The following TPP1 variants were observed in gnomAD, a reference collection of about 807,000 sequenced individuals.
TPP1 encodes tripeptidyl-peptidase 1.
A neutral mutation model predicts 67.6 loss-of-function variants in TPP1; 43 were observed. The observed-to-expected ratio is 0.64, with a 90% CI of 0.50 to 0.82. The LOEUF is 0.82. TPP1 is among the 40% of genes least tolerant of loss of function. The pLI is 0.00. For missense variants in TPP1, 671 were observed against 710.9 expected, an observed-to-expected ratio of 0.94 and a Z score of 0.64; for synonymous variants, 272 against 281.5, an observed-to-expected ratio of 0.97 and a Z score of 0.34.
rs769244572 is a variant in TPP1, at chr11:6,616,106, A to T, written c.1076-32T>A. On this transcript the variant is annotated intron_variant, in intron 8 of 12. Coordinates refer to ENST00000299427, the MANE Select transcript of TPP1 (RefSeq NM_000391.4). ...GAGACCAAGTGTAGCATTCATATTA[A>T]TTGGTTAGGGCTTAGTATGTGGGTT... 5 of 1,613,492 alleles carry T rather than the reference A, an allele frequency of 3.1e-6. No individual in the cohort carries two copies. In the Admixed American group the frequency reaches 8.3e-5, roughly 27 times the overall value.
At chr11:6,615,707 G>C (rs1204876207) in intron 9 of TPP1, 145 bp from the exon 10 acceptor site, 1 of 1,112,612 alleles carries the variant, frequency 9.0e-7, no homozygotes, top group Admixed American at 2.0e-5. Flanking sequence ...AAGAGATTTT[G>C]AGCCTTCAAG....
rs769230068 is a variant in TPP1 at position 6,619,029 on chromosome 11, T to C, written c.90-114A>G. The C allele has an allele frequency of 3.9e-5, 59 of 1,524,702 alleles. No homozygotes were observed. In the Admixed American group the frequency reaches 5.3e-4, roughly 14 times the overall value. The allele number at this position is 1,524,702 out of a possible 1,614,324, so 94.4% of individuals were successfully genotyped here. A position where few individuals can be genotyped will look rare whatever the true frequency, so the allele number is the denominator to read the frequency against. Reference sequence around the variant, plus strand: ...CCTTGGGGAGGATCCTAGGAGCAGATACAGATCACATGAGGTGAATGATAG... The same window carrying C: ...CCTTGGGGAGGATCCTAGGAGCAGACACAGATCACATGAGGTGAATGATAG... On this transcript the variant is annotated intron_variant, in intron 2 of 12. Transcript: ENST00000299427.
chr11:6,614,860 A>T lies in TPP1; in HGVS notation c.1551+6T>A. ...AAACGTCCACACCCTTCCCTTCCAT[A>T]CTTACATCAAAGAGTCCTGCCCCAT... On this transcript the variant is annotated splice_donor_region_variant and intron_variant, in intron 12 of 12. Transcript: ENST00000299427. 1.9e-6 allele frequency: 3 copies of T among 1,613,818 alleles called. No homozygotes were observed. The highest frequency in any genetic ancestry group is 2.5e-6 in the Non-Finnish European group (3 of 1,179,958).
rs119455956 is a variant in TPP1, at chr11:6,615,256, C to T, written c.1340G>A (p.Arg447His). ...AAGTGCAGCCACATCTGGGTAGGCA[C>T]GGCCACTGGCATTGAAGTAACTGGA... ...PPSSYFNASG[R>H]AYPDVAALSD... The change falls in exon 11 of 13, where the codon CGT becomes CAT. Residue 447 changes from arginine to histidine, a missense_variant. By Grantham distance (29) the Arg-to-His change is conservative (BLOSUM62 0). Coordinates refer to ENST00000299427, the MANE Select transcript of TPP1 (RefSeq NM_000391.4). 1.7e-5 allele frequency: 27 copies of T among 1,614,048 alleles called. No homozygotes were observed. Among genetic ancestry groups the T allele is most frequent in the Non-Finnish European group, 1.9e-5 (22 of 1,180,042 alleles).
intron 6 of TPP1, 53 bp downstream of exon 6, chr11:6,616,922 T>G: frequency 1.2e-6 from 2 of 1,613,950 alleles, no homozygotes; most frequent in Non-Finnish European, 1.7e-6. Context: ...GGTAAGGAAT[T>G]GAGGACACTG....
chr11:6,617,274 A>T (rs776135436), intron 5 of TPP1, 27 bp downstream of exon 5: 1 of 1,613,624 alleles, frequency 6.2e-7, no homozygotes, highest in Non-Finnish European at 8.5e-7. Flanking sequence ...TGTGTGCCCC[A>T]ACCCCCATTC....
rs1251029614 is a variant in TPP1 at position 6,615,295 on chromosome 11, G to A, written c.1301C>T (p.Pro434Leu). The A allele has an allele frequency of 6.2e-7, 1 of 1,614,152 alleles. No homozygotes were observed. The highest frequency in any genetic ancestry group is 1.1e-5 in the South Asian group (1 of 91,080). The change falls in exon 11 of 13, where the codon CCC becomes CTC. Residue 434 changes from proline (P) to leucine (L), a missense_variant. By Grantham distance (98) the Pro-to-Leu change is moderately conservative (BLOSUM62 -3). Transcript: ENST00000299427. ...GAAGTAACTGGATGGTGGCAGGTGG[G>A]GGCTAGAGCTCAGGAACTTCGTTAC... The part of the protein sequence containing the change: ...EAVTKFLSSS[P>L]HLPPSSYFNA...
At position 6,614,258 on chromosome 11, in the gene TPP1, A is replaced by G; in HGVS notation, c.*288T>C. ...GAGTCTGTATACAACCCTTTGGAAA[A>G]GCCTGATTGAAAAGAGAAAGATGAG... On this transcript the variant is annotated 3_prime_UTR_variant, in exon 13 of 13. Transcript: ENST00000299427. 2.0e-6 allele frequency: 1 copy of G among 497,334 alleles called. No homozygotes were observed. Among genetic ancestry groups the G allele is most frequent in the Non-Finnish European group, 3.7e-6 (1 of 271,474 alleles). The allele number at this position is 497,334 out of a possible 1,614,324, so 30.8% of individuals were successfully genotyped here. A position where few individuals can be genotyped will look rare whatever the true frequency, so the allele number is the denominator to read the frequency against.
chr11:6,617,250 T>A, intron 5 of TPP1, 51 bp downstream of exon 5: 3 of 1,613,772 alleles, frequency 1.9e-6, no homozygotes, highest in Non-Finnish European at 2.5e-6. Context: ...CTAAACTTCC[T>A]CAGCCCCTGG....
rs1325601216 is a variant in TPP1, at chr11:6,617,077, G to A, written c.585C>T (p.Gly195=). 1.9e-6 allele frequency: 3 copies of A among 1,614,018 alleles called. No individual in the cohort carries two copies. The highest frequency in any genetic ancestry group is 2.5e-6 in the Non-Finnish European group (3 of 1,180,012). ...CAGAGGGGGTTACCCCCAGATGCAG[G>A]CCTACAGTCCCTGTCACCTGCGGCT... ...RPEPQVTGTV[G]LHLGVTPSVI... The change falls in exon 6 of 13, where the codon GGC becomes GGT. Residue 195 remains glycine (G), a synonymous_variant. Coordinates refer to ENST00000299427, the MANE Select transcript of TPP1 (RefSeq NM_000391.4).
At position 6,614,354 on chromosome 11, in the gene TPP1, GA is replaced by G. The variant is rs1855542306; in HGVS notation, c.*191del. The G allele has an allele frequency of 1.4e-6, 1 of 697,886 alleles. No homozygotes were observed. The highest frequency in any genetic ancestry group is 2.7e-5 in the East Asian group (1 of 36,856). The allele number at this position is 697,886 out of a possible 1,614,324, so 43.2% of individuals were successfully genotyped here. A position where few individuals can be genotyped will look rare whatever the true frequency, so the allele number is the denominator to read the frequency against. ...TTGAGGAATCTAAGGCAGGAGTAGG[GA>G]GACCTGAGTATGATGGAGCATGGTA... On this transcript the variant is annotated 3_prime_UTR_variant, in exon 13 of 13. Coordinates refer to ENST00000299427, the MANE Select transcript of TPP1 (RefSeq NM_000391.4).
intron 3 of TPP1, 103 bp from the exon 4 acceptor site, chr11:6,617,879 C>A: frequency 6.5e-7 from 1 of 1,539,012 alleles, no homozygotes. Flanking sequence ...AAGCCTGGAA[C>A]AGGGTAAAGG....
Position 6,617,082 on chromosome 11 carries a change from C to T in TPP1, c.580G>A (p.Val194Ile), listed in dbSNP as rs1303710593. 1.9e-6 allele frequency: 3 copies of T among 1,614,160 alleles called. No individual in the cohort carries two copies. Among genetic ancestry groups the T allele is most frequent in the East Asian group, 4.5e-5 (2 of 44,886 alleles). Residue 194 changes from valine (V) to isoleucine (I), a missense_variant, in exon 6 of 13, where the codon GTA (valine) becomes ATA (isoleucine). Physicochemically the swap from Val to Ile is conservative, Grantham distance 29 (BLOSUM62 3). Coordinates refer to ENST00000299427, the MANE Select transcript of TPP1 (RefSeq NM_000391.4). ...QRPEPQVTGT[V>I]GLHLGVTPSV... ...GGGGTTACCCCCAGATGCAGGCCTACAGTCCCTGTCACCTGCGGCTCAGGA... is the reference window on the plus strand; with the variant it reads ...GGGGTTACCCCCAGATGCAGGCCTATAGTCCCTGTCACCTGCGGCTCAGGA...
In TPP1 at chr11:6,618,704, C is replaced by T. The variant is rs535481432; in HGVS notation, c.229+72G>A. On this transcript the variant is annotated intron_variant, in intron 3 of 12. Transcript: ENST00000299427. ...GTCTTGGCAGGCTCTGACATGATCG[C>T]CATCCCATGCCCAACCCAGCCCTGT... The T allele has an allele frequency of 1.3e-3, 2,053 of 1,600,230 alleles. 3 individuals are homozygous for T. The highest frequency in any genetic ancestry group is 1.4e-3 in the Non-Finnish European group (1,664 of 1,175,194).
At position 6,616,081 on chromosome 11, in the gene TPP1, G is replaced by A. The variant is rs746276384; in HGVS notation, c.1076-7C>T. The A allele has an allele frequency of 5.6e-6, 9 of 1,614,054 alleles. No homozygotes were observed. The highest frequency in any genetic ancestry group is 1.7e-5 in the Admixed American group (1 of 60,004). ...CACCCGGCCCCACTGTCACCTGAGA[G>A]AGACCAAGTGTAGCATTCATATTAA... On this transcript the variant is annotated splice_polypyrimidine_tract_variant and splice_region_variant and intron_variant, in intron 8 of 12. Coordinates refer to ENST00000299427, the MANE Select transcript of TPP1 (RefSeq NM_000391.4).
At position 6,617,057 on chromosome 11, in the gene TPP1, G is replaced by A. The variant is rs121908205; in HGVS notation, c.605C>T (p.Pro202Leu). Residue 202 changes from proline (P) to leucine (L), a missense_variant, in exon 6 of 13, where the codon CCC (proline) becomes CTC (leucine). Physicochemically the swap from Pro to Leu is moderately conservative, Grantham distance 98. Transcript: ENST00000299427. Reference protein sequence around the residue: ...GTVGLHLGVTPSVIRKRYNLT... With the variant: ...GTVGLHLGVTLSVIRKRYNLT... ...GTTGTATCGCTTACGGATCACAGAG[G>A]GGGTTACCCCCAGATGCAGGCCTAC... 1.9e-6 allele frequency: 3 copies of A among 1,614,156 alleles called. No individual in the cohort carries two copies. The African/African-American group carries it at 4.0e-5, about 22-fold the overall frequency.
At chr11:6,615,815 C>CT in intron 9 of TPP1, 190 bp downstream of exon 9, 1 of 792,212 alleles carries the variant, frequency 1.3e-6, no homozygotes, top group South Asian at 1.5e-5. Flanking sequence ...ACAATGGGAG[C>CT]TGTATCCCAC....
intron 3 of TPP1, chr11:6,618,487 G>C: frequency 1.7e-6 from 1 of 587,342 alleles, no homozygotes. Flanking sequence ...TTGGGAGTTA[G>C]AACTGGCAGC....
Position 6,616,825 on chromosome 11 carries a change from G to A in TPP1, c.722C>T (p.Ala241Val). Residue 241 changes from alanine (A) to valine (V), a missense_variant, in exon 7 of 13, where the codon GCT becomes GTT. Physicochemically the swap from Ala to Val is moderately conservative, Grantham distance 64. Coordinates refer to ENST00000299427, the MANE Select transcript of TPP1 (RefSeq NM_000391.4). ...LEQYFHDSDL[A>V]QFMRLFGGNF... ...GCCACCGAAGAGGCGCATGAACTGAGCCAGGTCTGAGTCATGGAAATACTG... is the reference window on the plus strand; with the variant it reads ...GCCACCGAAGAGGCGCATGAACTGAACCAGGTCTGAGTCATGGAAATACTG... 1.2e-6 allele frequency: 2 copies of A among 1,613,842 alleles called. No individual in the cohort carries two copies. Among genetic ancestry groups the A allele is most frequent in the Non-Finnish European group, 1.7e-6 (2 of 1,180,012 alleles).
Sources: gnomAD v4.1 joint callset for allele counts on GRCh38, gnomAD v4.1.1 for gene constraint, MANE v1.5 for transcripts, NCBI Gene and HGNC (gene_info 2026-07-23, HGNC 2026-07-21) for gene names.